Variants in RABGAP1L observed in about 807,000 individuals in gnomAD.
RABGAP1L encodes the protein rab GTPase-activating protein 1-like.
RABGAP1L carries 63 observed loss-of-function variants against 137.7 expected under a neutral mutation model. The ratio of observed to expected loss-of-function variants is 0.46; its 90% CI spans 0.37 to 0.56. The LOEUF (loss-of-function observed/expected upper bound fraction) is 0.56, where lower values mean the gene tolerates loss of function less well. Ranked by LOEUF, RABGAP1L falls within the 20% of genes least tolerant of loss-of-function variation. RABGAP1L has a pLI of 0.00. For synonymous variants in RABGAP1L, 431 were observed against 433.7 expected, an observed-to-expected ratio of 0.99 and a Z score of 0.08; for missense variants, 1,095 against 1,244.0, an observed-to-expected ratio of 0.88 and a Z score of 1.80.
chr1:174,277,971 TTC>T (rs140592624), intron 9 of RABGAP1L, among the ~76,000 whole-genome samples: 5,260 of 152,310 alleles, frequency 0.035, 119 homozygotes, highest in Middle Eastern at 0.088. Flanking sequence ...TGAGGGTTTC[TTC>T]TAGTGGTGGC....
intron 7 of RABGAP1L, among the ~76,000 whole-genome samples, chr1:174,254,973 A>G (rs1223426130): frequency 1.3e-5 from 2 of 152,138 alleles, no homozygotes; most frequent in Non-Finnish European, 2.9e-5. Context: ...AAGTGTTCCT[A>G]TTTCTCCACA....
At chr1:174,683,416 G>A in intron 14 of RABGAP1L, 106 bp from the exon 15 acceptor site, 1 of 812,942 alleles carries the variant, frequency 1.2e-6, no homozygotes, top group South Asian at 1.7e-5. Flanking sequence ...TGGAATTGTG[G>A]TTGACAGCCC....
intron 13 of RABGAP1L, among the ~76,000 whole-genome samples, chr1:174,466,086 CCAA>C (rs1351407751): frequency 1.3e-5 from 2 of 152,154 alleles, no homozygotes; most frequent in Non-Finnish European, 2.9e-5. Flanking sequence ...ATCAGCTGTT[CCAA>C]CAACAGGTCA....
rs553998259 is a variant in RABGAP1L, at chr1:174,441,896, T to A, written c.1710+47751T>A. 2.0e-5 allele frequency among the ~76,000 whole-genome samples: 3 copies of A among 151,804 alleles called. No homozygotes were observed. In the South Asian group the frequency reaches 6.3e-4, roughly 32 times the overall value. On this transcript the variant is annotated intron_variant, in intron 13 of 25. Transcript: ENST00000681986. ...GGGAGGCTTAGTGGGTCAAAGGCACTGCTTCTGAAACTCTTCATCTCATGT... is the reference window on the plus strand; with the variant it reads ...GGGAGGCTTAGTGGGTCAAAGGCACAGCTTCTGAAACTCTTCATCTCATGT...
chr1:174,482,679 G>A (rs919440667), intron 13 of RABGAP1L, among the ~76,000 whole-genome samples: 8 of 152,120 alleles, frequency 5.3e-5, no homozygotes, highest in African/African-American at 1.7e-4. Flanking sequence ...GTTTCATCAT[G>A]TTGCCCAGGC....
chr1:174,869,857 T>C (rs1430473999), intron 19 of RABGAP1L, among the ~76,000 whole-genome samples: 1 of 152,196 alleles, frequency 6.6e-6, no homozygotes, highest in Non-Finnish European at 1.5e-5. Context: ...AGAAGACCTC[T>C]GCCTGTGACT....
At chr1:174,603,217 C>A (rs1225272991) in intron 13 of RABGAP1L, among the ~76,000 whole-genome samples, 2 of 152,168 alleles carry the variant, frequency 1.3e-5, no homozygotes, top group Non-Finnish European at 2.9e-5. Context: ...TTGTCAAGAT[C>A]ACCTTGATGT....
chr1:174,738,275 AC>A (rs1304654684), intron 17 of RABGAP1L, among the ~76,000 whole-genome samples: 1 of 152,118 alleles, frequency 6.6e-6, no homozygotes, highest in Non-Finnish European at 1.5e-5. Flanking sequence ...AATCAGAAAG[AC>A]ACTTCACTGG....
intron 13 of RABGAP1L, among the ~76,000 whole-genome samples, chr1:174,459,095 A>C (rs1656380640): frequency 6.6e-6 from 1 of 152,142 alleles, no homozygotes; most frequent in Non-Finnish European, 1.5e-5. Context: ...TTGCAGTGCT[A>C]GGAGTTTTAT....
chr1:174,282,465 C>G (rs1675661153), intron 10 of RABGAP1L, among the ~76,000 whole-genome samples: 3 of 151,908 alleles, frequency 2.0e-5, no homozygotes, highest in Admixed American at 1.3e-4. Context: ...TTTTTGTCCA[C>G]TTTTTGTTTG....
At chr1:174,515,050 A>G (rs1662693285) in intron 13 of RABGAP1L, among the ~76,000 whole-genome samples, 1 of 152,188 alleles carries the variant, frequency 6.6e-6, no homozygotes, top group African/African-American at 2.4e-5. Flanking sequence ...ATTTTCCAGT[A>G]TCAAATAATT....
At chr1:174,273,825 A>C (rs1485744140) in intron 8 of RABGAP1L, among the ~76,000 whole-genome samples, 4 of 152,172 alleles carry the variant, frequency 2.6e-5, no homozygotes, top group African/African-American at 7.2e-5. Flanking sequence ...ATGTCTCTCT[A>C]ACTTTCAGAA....
intron 18 of RABGAP1L, among the ~76,000 whole-genome samples, chr1:174,784,521 A>T (rs1573182638): frequency 1.3e-5 from 2 of 152,236 alleles, no homozygotes; most frequent in Admixed American, 1.3e-4. Flanking sequence ...TGGGACTGGT[A>T]GTGGAAACAT....
chr1:174,649,674 C>T (rs1369893000), intron 14 of RABGAP1L, among the ~76,000 whole-genome samples: 1 of 152,004 alleles, frequency 6.6e-6, no homozygotes, highest in African/African-American at 2.4e-5. Flanking sequence ...GTGATTTTTG[C>T]ACATTGATTT....
chr1:174,848,961 G>A lies in RABGAP1L; in HGVS notation c.2340+37001G>A, dbSNP rs563306652. On this transcript the variant is annotated intron_variant, in intron 19 of 25. Transcript: ENST00000681986. The stretch of plus-strand genomic sequence containing the variant: ...CGTTTTTTAAGCCGGTCTGAAAAGC[G>A]CAATATTCGGGTGGGAGTGACCCGA... Among the ~76,000 whole-genome samples the A allele has an allele frequency of 1.4e-3, 213 of 152,018 alleles. 1 individual carries two copies. Among genetic ancestry groups the A allele is most frequent in the South Asian group, 4.4e-3 (21 of 4,804 alleles).
intron 14 of RABGAP1L, among the ~76,000 whole-genome samples, chr1:174,639,340 G>C (rs958388919): frequency 1.3e-5 from 2 of 151,970 alleles, no homozygotes; most frequent in African/African-American, 4.8e-5. Context: ...CATCTACTTT[G>C]AAAAGTACCA....
chr1:174,438,420 A>G (rs566371088), intron 13 of RABGAP1L, among the ~76,000 whole-genome samples: 10 of 152,090 alleles, frequency 6.6e-5, no homozygotes, highest in African/African-American at 2.2e-4. Flanking sequence ...TGATTCTCCC[A>G]TTGCATAAAG....
intron 13 of RABGAP1L, among the ~76,000 whole-genome samples, chr1:174,449,971 A>G (rs1655246776): frequency 6.6e-6 from 1 of 152,132 alleles, no homozygotes; most frequent in Non-Finnish European, 1.5e-5. Flanking sequence ...AATCTACTGT[A>G]TAGAGCATCC....
chr1:174,573,690 T>A (rs1668161150), intron 13 of RABGAP1L, among the ~76,000 whole-genome samples: 1 of 152,084 alleles, frequency 6.6e-6, no homozygotes, highest in South Asian at 2.1e-4. Context: ...TGTGTAGAAA[T>A]CATAAGAAAT....
Sources: allele counts gnomAD v4.1 joint callset (sites outside exome capture counted in the v4.1 genomes callset), GRCh38; gene constraint gnomAD v4.1.1; transcripts MANE v1.5; gene names NCBI Gene and HGNC (gene_info 2026-07-23, HGNC 2026-07-21).